TRIP6: variants seen among roughly 807,000 people sequenced by gnomAD.
The protein encoded by TRIP6 is thyroid receptor-interacting protein 6.
TRIP6 carries 33 observed loss-of-function variants against 51.9 expected under a neutral mutation model. The ratio of observed to expected loss-of-function variants is 0.64; its 90% CI spans 0.48 to 0.85. The LOEUF (loss-of-function observed/expected upper bound fraction) is 0.85. Ranked by LOEUF, TRIP6 falls within the 40% of genes least tolerant of loss-of-function variation. The pLI is 0.00. For missense variants in TRIP6, 661 were observed against 652.1 expected, an observed-to-expected ratio of 1.01 and a Z score of -0.15; for synonymous variants, 255 against 275.8, an observed-to-expected ratio of 0.92 and a Z score of 0.75.
intron 6 of TRIP6, chr7:100,871,204 T>G: frequency 2.3e-6 from 1 of 444,132 alleles, no homozygotes; most frequent in Non-Finnish European, 4.3e-6. Flanking sequence ...CCAGCTAATT[T>G]TTGTATTTTT....
At chr7:100,872,291 C>G (rs573167044) in intron 7 of TRIP6, among the ~76,000 whole-genome samples, 1 of 151,918 alleles carries the variant, frequency 6.6e-6, no homozygotes, top group East Asian at 1.9e-4. Flanking sequence ...CCTCGGCCGC[C>G]CAAAGTGCAG....
chr7:100,868,396 C>G (rs1815192930), intron 3 of TRIP6, 99 bp from the exon 4 acceptor site: 8 of 1,591,760 alleles, frequency 5.0e-6, no homozygotes, highest in Non-Finnish European at 6.8e-6. Context: ...TTGTCAAATG[C>G]AAAAAGCCTG....
intron 4 of TRIP6, among the ~76,000 whole-genome samples, chr7:100,869,458 C>A (rs1469378376): frequency 6.7e-6 from 1 of 149,918 alleles, no homozygotes; most frequent in Non-Finnish European, 1.5e-5. Context: ...CATGGAGAAA[C>A]CTCGTCTCTA....
At position 100,868,553 on chromosome 7, in the gene TRIP6, C is replaced by G. The variant is rs770957203; in HGVS notation, c.422C>G (p.Ala141Gly). 1 of 1,613,000 alleles carries G rather than the reference C, an allele frequency of 6.2e-7. No individual in the cohort carries two copies. The highest frequency in any genetic ancestry group is 8.5e-7 in the Non-Finnish European group (1 of 1,180,046). Residue 141 changes from alanine to glycine, a missense_variant, in exon 4 of 9, where the codon GCC (alanine) becomes GGC (glycine). By Grantham distance (60) the Ala-to-Gly change is moderately conservative (BLOSUM62 0). Coordinates refer to ENST00000200457, the MANE Select transcript of TRIP6 (RefSeq NM_003302.3). ...ACGGGCTCCCTGAAGCCAAATCCAG[C>G]CTCGCCGCTCCCAGCGTCTCCCTAT... ...YRTGSLKPNP[A>G]SPLPASPYGG... is the part of the protein sequence containing the mutation.
rs140445052 is a variant in TRIP6, at chr7:100,870,287, C to T, written c.736-83C>T. 1,015 of 1,408,774 alleles carry T rather than the reference C, an allele frequency of 7.2e-4. 1 individual carries two copies. The highest frequency in any genetic ancestry group is 2.2e-3 in the South Asian group (178 of 81,556). The allele number at this position is 1,408,774 out of a possible 1,614,324, so 87.3% of individuals were successfully genotyped here. ...TCCTGCTGTGTGGCCCAGTTCCTAA[C>T]AGGCCATGGCCTGGCGGCTGAGGGC... On this transcript the variant is annotated intron_variant, in intron 4 of 8. Transcript: ENST00000200457.
Position 100,867,829 on chromosome 7 carries a change from C to T in TRIP6, c.110-32C>T, listed in dbSNP as rs929446019. 1 of 1,533,838 alleles carries T rather than the reference C, an allele frequency of 6.5e-7. No individual in the cohort carries two copies. Among genetic ancestry groups the T allele is most frequent in the African/African-American group, 1.4e-5 (1 of 71,294 alleles). On this transcript the variant is annotated intron_variant, in intron 1 of 8. Coordinates refer to ENST00000200457, the MANE Select transcript of TRIP6 (RefSeq NM_003302.3). The surrounding 1 kb of genome is among the most constrained non-coding windows in gnomAD (Gnocchi z 5.4). ...TATACACCCCTCCTGTCCTCCGCCA[C>T]CCCACCTTTGATTTCTCTTCCCTCA...
rs960915222 is a variant in TRIP6, at chr7:100,869,057, C to T, written c.735+191C>T. On this transcript the variant is annotated intron_variant, in intron 4 of 8. Coordinates refer to ENST00000200457, the MANE Select transcript of TRIP6 (RefSeq NM_003302.3). ...CTGCCTCCCGGGTTCAAGTGATTCT[C>T]CTGCCTCAGCCTCCTGAATAACTGG... Among the ~76,000 whole-genome samples the T allele has an allele frequency of 5.3e-5, 8 of 152,214 alleles. No homozygotes were observed. The East Asian group carries it at 1.2e-3, about 22-fold the overall frequency.
At position 100,867,519 on chromosome 7, in the gene TRIP6, C is replaced by T. The variant is rs1815164648; in HGVS notation, c.22C>T (p.Pro8Ser). Residue 8 changes from proline to serine, a missense_variant, in exon 1 of 9, where the codon CCC becomes TCC. Physicochemically the swap from Pro to Ser is moderately conservative, Grantham distance 74 (BLOSUM62 -1). Coordinates refer to ENST00000200457, the MANE Select transcript of TRIP6 (RefSeq NM_003302.3). The surrounding 1 kb of genome is among the most constrained non-coding windows in gnomAD (Gnocchi z 5.4). MSGPTWL[P>S]PKQPEPARAP... ...GGCCATGTCGGGGCCCACCTGGCTGCCCCCGAAGCAGCCGGAGCCCGCCAG... is the reference window on the plus strand; with the variant it reads ...GGCCATGTCGGGGCCCACCTGGCTGTCCCCGAAGCAGCCGGAGCCCGCCAG... 1.3e-6 allele frequency: 2 copies of T among 1,508,254 alleles called. No individual in the cohort carries two copies. The highest frequency in any genetic ancestry group is 1.8e-6 in the Non-Finnish European group (2 of 1,130,500). 93.4% of individuals were successfully genotyped at this position (1,508,254 alleles called of 1,614,324 possible).
chr7:100,870,452 G>C lies in TRIP6; in HGVS notation c.818G>C (p.Gly273Ala). ...CACGACATGAACCACCCGCCCAGCGGGGAGTACTTTGGTGAGCTGAGGCTG... is the reference window on the plus strand; with the variant it reads ...CACGACATGAACCACCCGCCCAGCGCGGAGTACTTTGGTGAGCTGAGGCTG... ...LVHDMNHPPS[G>A]EYFGQCGGCG... Residue 273 changes from glycine (G) to alanine (A), a missense_variant, in exon 5 of 9, where the codon GGG becomes GCG. Physicochemically the swap from Gly to Ala is moderately conservative, Grantham distance 60 (BLOSUM62 0). Transcript: ENST00000200457. 1 of 1,613,592 alleles carries C rather than the reference G, an allele frequency of 6.2e-7. No homozygotes were observed. Among genetic ancestry groups the C allele is most frequent in the Non-Finnish European group, 8.5e-7 (1 of 1,179,842 alleles).
rs2115618529 is a variant in TRIP6, at chr7:100,868,732, C to A, written c.601C>A (p.Pro201Thr). Reference sequence around the variant, plus strand: ...TGGGCCCCTCCCGGGCCCCCACTTTCCTCTCCCAGGCCGAGGTGAAGTCTG... The same window carrying A: ...TGGGCCCCTCCCGGGCCCCCACTTTACTCTCCCAGGCCGAGGTGAAGTCTG... The part of the protein sequence containing the change: ...ASGPLPGPHF[P>T]LPGRGEVWGP... Residue 201 changes from proline (P) to threonine (T), a missense_variant, in exon 4 of 9, where the codon CCT becomes ACT. By Grantham distance (38) the Pro-to-Thr change is conservative (BLOSUM62 -1). Transcript: ENST00000200457. 6.4e-7 allele frequency: 1 copy of A among 1,565,048 alleles called. No homozygotes were observed. The highest frequency in any genetic ancestry group is 1.2e-5 in the South Asian group (1 of 84,906).
At chr7:100,871,235 A>G in intron 6 of TRIP6, 1 of 488,050 alleles carries the variant, frequency 2.0e-6, no homozygotes, top group South Asian at 2.0e-5. Context: ...GGGTTTCGCC[A>G]TGTTGGCCAG....
intron 7 of TRIP6, 79 bp downstream of exon 7, chr7:100,871,800 T>C (rs1445517365): frequency 1.3e-6 from 2 of 1,514,784 alleles, no homozygotes; most frequent in African/African-American, 2.8e-5. Context: ...CAGGACTGTC[T>C]CTTCCTGTTT....
chr7:100,868,965 A>G, intron 4 of TRIP6, 99 bp downstream of exon 4: 1 of 1,372,304 alleles, frequency 7.3e-7, no homozygotes, highest in Non-Finnish European at 9.4e-7. Context: ...TTGTTTTTTG[A>G]GACAGAGTTT....
At position 100,873,269 on chromosome 7, in the gene TRIP6, A is replaced by T; in HGVS notation, c.1397A>T (p.Gln466Leu). The T allele has an allele frequency of 6.2e-7, 1 of 1,612,426 alleles. No homozygotes were observed. The highest frequency in any genetic ancestry group is 8.5e-7 in the Non-Finnish European group (1 of 1,178,738). The change falls in exon 9 of 9, where the codon CAG becomes CTG. Residue 466 changes from glutamine (Q) to leucine (L), a missense_variant. Transcript: ENST00000200457. ...AAGGCCTGCAGCGCCTGGCGCATCC[A>T]GGAGCTCTCAGCCACCGTCACCACT... Reference protein sequence around the residue: ...LCKACSAWRIQELSATVTTDC With the variant: ...LCKACSAWRILELSATVTTDC
chr7:100,867,434 G>T lies in TRIP6; in HGVS notation c.-64G>T. On this transcript the variant is annotated 5_prime_UTR_variant, in exon 1 of 9. Coordinates refer to ENST00000200457, the MANE Select transcript of TRIP6 (RefSeq NM_003302.3). The surrounding 1 kb of genome is among the most constrained non-coding windows in gnomAD (Gnocchi z 5.4). ...GTCCCAAACGAGGTGCGGGACGGAA[G>T]AGGGGGTGAAGGCCAGAGGCTCGGG... The T allele has an allele frequency of 8.3e-7, 1 of 1,208,494 alleles. No homozygotes were observed. The allele number at this position is 1,208,494 out of a possible 1,614,324, so 74.9% of individuals were successfully genotyped here.
At position 100,868,569 on chromosome 7, in the gene TRIP6, G is replaced by A. The variant is rs776479176; in HGVS notation, c.438G>A (p.Ala146=). 9.3e-6 allele frequency: 15 copies of A among 1,612,882 alleles called. No individual in the cohort carries two copies. The highest frequency in any genetic ancestry group is 1.7e-5 in the Admixed American group (1 of 60,006). The change falls in exon 4 of 9, where the codon GCG becomes GCA. Residue 146 remains alanine (A), a synonymous_variant. Coordinates refer to ENST00000200457, the MANE Select transcript of TRIP6 (RefSeq NM_003302.3). ...CAAATCCAGCCTCGCCGCTCCCAGC[G>A]TCTCCCTATGGGGGCCCCACTCCAG... is the stretch of plus-strand genomic sequence containing the variant. ...LKPNPASPLP[A]SPYGGPTPAS... is the part of the protein sequence containing the mutation.
intron 7 of TRIP6, among the ~76,000 whole-genome samples, chr7:100,872,011 TC>T (rs1815283681): frequency 6.8e-6 from 1 of 147,076 alleles, no homozygotes; most frequent in South Asian, 2.1e-4. Context: ...CTAGTTTTCT[TC>T]GTTTTTTTTT....
Position 100,868,861 on chromosome 7 carries a change from C to A in TRIP6, c.730C>A (p.Pro244Thr). ...AAGAGGAAGAGGAGGCGAGCACGGGCCCCAGGTGAGCCCTGGGGAACTGGG... is the reference window on the plus strand; with the variant it reads ...AAGAGGAAGAGGAGGCGAGCACGGGACCCAGGTGAGCCCTGGGGAACTGGG... ...AGRGRGGEHG[P>T]QVPLSQPPED... Residue 244 changes from proline to threonine, a missense_variant, in exon 4 of 9, where the codon CCC becomes ACC. Coordinates refer to ENST00000200457, the MANE Select transcript of TRIP6 (RefSeq NM_003302.3). 1 of 1,506,638 alleles carries A rather than the reference C, an allele frequency of 6.6e-7. No individual in the cohort carries two copies. Among genetic ancestry groups the A allele is most frequent in the South Asian group, 1.4e-5 (1 of 73,754 alleles). The allele number at this position is 1,506,638 out of a possible 1,614,324, so 93.3% of individuals were successfully genotyped here.
rs928692958 is a variant in TRIP6, at chr7:100,867,825, G to C, written c.110-36G>C. 2.0e-6 allele frequency: 3 copies of C among 1,530,794 alleles called. No homozygotes were observed. The Admixed American group carries it at 6.8e-5, about 35-fold the overall frequency. 94.8% of individuals were successfully genotyped at this position (1,530,794 alleles called of 1,614,324 possible). On this transcript the variant is annotated intron_variant, in intron 1 of 8. Transcript: ENST00000200457. The surrounding 1 kb of genome is among the most constrained non-coding windows in gnomAD (Gnocchi z 5.4). ...CAAATATACACCCCTCCTGTCCTCC[G>C]CCACCCCACCTTTGATTTCTCTTCC...
Sources: allele counts gnomAD v4.1 joint callset (sites outside exome capture counted in the v4.1 genomes callset), GRCh38; gene constraint gnomAD v4.1.1; non-coding constraint Gnocchi (gnomAD v3.1); transcripts MANE v1.5; gene names NCBI Gene and HGNC (gene_info 2026-07-23, HGNC 2026-07-21).